Variants in DRD2 observed in about 807,000 individuals in gnomAD.
The protein encoded by DRD2 is D(2) dopamine receptor.
Under a neutral mutation model 38.0 loss-of-function variants are expected in DRD2, and 8 were observed. That is an observed-to-expected ratio of 0.21 (90% CI 0.12 to 0.38). The LOEUF is 0.38. DRD2 is among the 10% of genes least tolerant of loss of function. DRD2 has a pLI of 1.00. For missense variants in DRD2, 403 were observed against 607.7 expected (o/e 0.66, Z 3.54); for synonymous variants, 230 against 238.6 (o/e 0.96, Z 0.33).
In DRD2 at chr11:113,418,156, A is replaced by C; in HGVS notation, c.286-20T>G. ...TACCACCTGGGGACAAAGCAACATAATGGATGGACAGCAGGAGTGGGAGAT... is the reference window on the plus strand; with the variant it reads ...TACCACCTGGGGACAAAGCAACATACTGGATGGACAGCAGGAGTGGGAGAT... On this transcript the variant is annotated intron_variant, in intron 2 of 7. Transcript: ENST00000362072. 3.2e-6 allele frequency: 5 copies of C among 1,585,022 alleles called. No homozygotes were observed. The highest frequency in any genetic ancestry group is 3.5e-6 in the Non-Finnish European group (4 of 1,153,734).
intron 1 of DRD2, among the ~76,000 whole-genome samples, chr11:113,452,467 T>TGCGCGCGCGC (rs60850982): frequency 1.8e-4 from 16 of 91,082 alleles, no homozygotes; most frequent in African/African-American, 6.3e-4. Flanking sequence ...TGTGTGTGTG[T>TGCGCGCGCGC]GTGCGCGCGC....
At chr11:113,423,654 T>C (rs1339259737) in intron 2 of DRD2, among the ~76,000 whole-genome samples, 1 of 152,188 alleles carries the variant, frequency 6.6e-6, no homozygotes, top group African/African-American at 2.4e-5. Flanking sequence ...GTGTCAGCAA[T>C]GCACCAGGCA....
intron 1 of DRD2, among the ~76,000 whole-genome samples, chr11:113,442,899 T>A (rs1329783350): frequency 6.6e-6 from 1 of 152,154 alleles, no homozygotes; most frequent in African/African-American, 2.4e-5. Flanking sequence ...CCTTTGTGCC[T>A]TTTTTCCTCC....
At position 113,421,000 on chromosome 11, in the gene DRD2, A is replaced by G. The variant is rs564137558; in HGVS notation, c.286-2864T>C. Among the ~76,000 whole-genome samples, 3 of 152,254 alleles carry G rather than the reference A, an allele frequency of 2.0e-5. No individual in the cohort carries two copies. The South Asian group carries it at 6.2e-4, about 32-fold the overall frequency. On this transcript the variant is annotated intron_variant, in intron 2 of 7. Transcript: ENST00000362072. ...AAGTCCTAATAACTGTAATAATACT[A>G]AGGACTTACCATGTGTCAGGCACTG...
In DRD2 at chr11:113,410,474, C is replaced by T. The variant is rs1483094858; in HGVS notation, c.*253G>A. On this transcript the variant is annotated 3_prime_UTR_variant, in exon 8 of 8. Coordinates refer to ENST00000362072, the MANE Select transcript of DRD2 (RefSeq NM_000795.4). ...GGGGGACTGGAGGTGGGAGGGGGGA[C>T]TCTATGAGCTGCCCCTGAGCTGGGG... 3 of 578,172 alleles carry T rather than the reference C, an allele frequency of 5.2e-6. No homozygotes were observed. The highest frequency in any genetic ancestry group is 2.9e-5 in the Admixed American group (1 of 34,150). 35.8% of individuals were successfully genotyped at this position (578,172 alleles called of 1,614,324 possible).
chr11:113,430,496 T>C (rs1950976009), intron 1 of DRD2, among the ~76,000 whole-genome samples: 1 of 152,192 alleles, frequency 6.6e-6, no homozygotes, highest in South Asian at 2.1e-4. Context: ...GTAGAGTGGA[T>C]AGCAATACAG....
intron 1 of DRD2, among the ~76,000 whole-genome samples, chr11:113,432,438 C>T (rs552840573): frequency 1.8e-4 from 28 of 152,258 alleles, no homozygotes; most frequent in Non-Finnish European, 3.1e-4. Flanking sequence ...GTTTCCTATG[C>T]TTCCGTCTCA....
chr11:113,411,238 C>T (rs1346026978), intron 7 of DRD2, among the ~76,000 whole-genome samples: 1 of 152,014 alleles, frequency 6.6e-6, no homozygotes, highest in Non-Finnish European at 1.5e-5. Context: ...AATATCTACT[C>T]TACTTCCAGG....
intron 1 of DRD2, among the ~76,000 whole-genome samples, chr11:113,433,951 C>T (rs1427726455): frequency 6.6e-6 from 1 of 152,230 alleles, no homozygotes; most frequent in Non-Finnish European, 1.5e-5. Flanking sequence ...CAGGCACAGG[C>T]AGCCACATGC....
Position 113,458,591 on chromosome 11 carries a change from C to T in DRD2, c.-32+16485G>A, listed in dbSNP as rs1951288664. ...CAGTTTTGATCTGGGGGAAAAAATG[C>T]TGGTCCACCACAACTTATGCTGTGT... On this transcript the variant is annotated intron_variant, in intron 1 of 7. Coordinates refer to ENST00000362072, the MANE Select transcript of DRD2 (RefSeq NM_000795.4). Among the ~76,000 whole-genome samples the T allele has an allele frequency of 2.0e-5, 3 of 152,204 alleles. No homozygotes were observed. The South Asian group carries it at 6.2e-4, about 31-fold the overall frequency.
intron 1 of DRD2, among the ~76,000 whole-genome samples, chr11:113,455,175 C>G (rs748954718): frequency 6.6e-6 from 1 of 151,818 alleles, no homozygotes; most frequent in Non-Finnish European, 1.5e-5. Context: ...GGTGAGACCC[C>G]GTCTCTACTA....
intron 1 of DRD2, among the ~76,000 whole-genome samples, chr11:113,457,963 G>A (rs1469494288): frequency 6.6e-6 from 1 of 152,278 alleles, no homozygotes; most frequent in Non-Finnish European, 1.5e-5. Flanking sequence ...CAGGCCAGCA[G>A]CAGCCTGGGC....
intron 1 of DRD2, among the ~76,000 whole-genome samples, chr11:113,446,204 T>A (rs924339606): frequency 6.6e-6 from 1 of 152,154 alleles, no homozygotes; most frequent in South Asian, 2.1e-4. Flanking sequence ...ATGACAGATC[T>A]GATACAGTCA....
At chr11:113,441,750 C>T (rs1016070467) in intron 1 of DRD2, among the ~76,000 whole-genome samples, 2 of 152,034 alleles carry the variant, frequency 1.3e-5, no homozygotes, top group East Asian at 1.9e-4. Context: ...TTCAGGAGGC[C>T]GAGGTGGAAG....
At chr11:113,472,192 T>A (rs754875160) in intron 1 of DRD2, among the ~76,000 whole-genome samples, 1 of 152,226 alleles carries the variant, frequency 6.6e-6, no homozygotes, top group Non-Finnish European at 1.5e-5. Flanking sequence ...CACAAACACA[T>A]ACACATACAC....
intron 1 of DRD2, among the ~76,000 whole-genome samples, chr11:113,455,166 G>A (rs1334174743): frequency 6.6e-6 from 1 of 151,980 alleles, no homozygotes; most frequent in Non-Finnish European, 1.5e-5. Context: ...GGCCAACATG[G>A]TGAGACCCCG....
intron 1 of DRD2, among the ~76,000 whole-genome samples, chr11:113,442,669 C>G (rs1408353270): frequency 6.6e-6 from 1 of 152,326 alleles, no homozygotes; most frequent in East Asian, 1.9e-4. Context: ...AATCTCTCTC[C>G]CTAAAGGTTC....
intron 1 of DRD2, among the ~76,000 whole-genome samples, chr11:113,430,390 C>A (rs1272220413): frequency 2.6e-5 from 4 of 152,144 alleles, no homozygotes; most frequent in Admixed American, 6.5e-5. Flanking sequence ...GAAAAAAATG[C>A]CATCCAACCC....
chr11:113,468,676 T>C (rs1951392891), intron 1 of DRD2, among the ~76,000 whole-genome samples: 1 of 152,184 alleles, frequency 6.6e-6, no homozygotes, highest in Non-Finnish European at 1.5e-5. Flanking sequence ...GCCTCCTGAG[T>C]AGCTGAGACC....
Sources: gnomAD v4.1 joint callset for allele counts (sites outside exome capture counted in the v4.1 genomes callset) on GRCh38, gnomAD v4.1.1 for gene constraint, MANE v1.5 for transcripts, NCBI Gene and HGNC (gene_info 2026-07-23, HGNC 2026-07-21) for gene names.